DNAH3: variants seen among roughly 807,000 people sequenced by gnomAD.
DNAH3 encodes the protein dynein axonemal heavy chain 3, also known as axonemal beta dynein heavy chain 3.
DNAH3 carries 332 observed loss-of-function variants against 432.5 expected under a neutral mutation model. That is an observed-to-expected ratio of 0.77 (90% CI 0.70 to 0.84). The LOEUF (loss-of-function observed/expected upper bound fraction) is 0.84, where lower values mean the gene tolerates loss of function less well. Ranked by LOEUF, DNAH3 falls within the 40% of genes least tolerant of loss-of-function variation. DNAH3 has a pLI of 0.00. For missense variants in DNAH3, 4,861 were observed against 5,114.0 expected, an observed-to-expected ratio of 0.95 and a Z score of 1.51; for synonymous variants, 1,956 against 1,900.2, an observed-to-expected ratio of 1.03 and a Z score of -0.76.
Position 21,134,243 on chromosome 16 carries a change from G to A in DNAH3, c.1082+16C>T. On this transcript the variant is annotated intron_variant, in intron 7 of 61. Coordinates refer to ENST00000261383, the Ensembl canonical transcript of DNAH3. Reference sequence around the variant, plus strand: ...GTCAAGAAAGGGAATGAAAAAAAAAGGGAGGGACTTCTTACTCTGCAAACC... The same window carrying A: ...GTCAAGAAAGGGAATGAAAAAAAAAAGGAGGGACTTCTTACTCTGCAAACC... The A allele has an allele frequency of 2.5e-6, 4 of 1,599,500 alleles. No homozygotes were observed. In the African/African-American group the frequency reaches 4.0e-5, roughly 16 times the overall value.
Position 20,933,391 on chromosome 16 carries a change from G to A in DNAH3, c.12114C>T (p.Leu4038=), listed in dbSNP as rs13336534. Residue 4038 remains leucine (L), a synonymous_variant, in exon 62 of 62, where the codon CTC becomes CTT. Coordinates refer to ENST00000261383, the Ensembl canonical transcript of DNAH3. ...GCAGTGGGTCATAGAGGATTTTGGGGAGAGATTCCCCAATCTGCATCGTTT... is the reference window on the plus strand; with the variant it reads ...GCAGTGGGTCATAGAGGATTTTGGGAAGAGATTCCCCAATCTGCATCGTTT... The A allele has an allele frequency of 3.4e-3, 5,544 of 1,614,156 alleles. 179 individuals carry two copies. The African/African-American group carries it at 0.063, about 18-fold the overall frequency.
chr16:21,058,615 A>C (rs1189423303), intron 26 of DNAH3, among the ~76,000 whole-genome samples: 27 of 142,944 alleles, frequency 1.9e-4, no homozygotes, highest in Non-Finnish European at 6.1e-5. Context: ...TATGTATATA[A>C]ATTTTTTCAT....
chr16:21,087,810 A>T lies in DNAH3; in HGVS notation c.2666-750T>A, dbSNP rs1036316592. Among the ~76,000 whole-genome samples, 14 of 152,214 alleles carry T rather than the reference A, an allele frequency of 9.2e-5. No homozygotes were observed. The East Asian group carries it at 2.7e-3, about 29-fold the overall frequency. ...CTATTTGGGAGGCTGGGGTGGGAGG[A>T]TCACTTGAGCCTAGGAGGTGGAGGT... On this transcript the variant is annotated intron_variant, in intron 18 of 61. Transcript: ENST00000261383.
chr16:21,060,578 G>A (rs1233772575), intron 25 of DNAH3, among the ~76,000 whole-genome samples: 1 of 137,728 alleles, frequency 7.3e-6, no homozygotes, highest in Non-Finnish European at 1.5e-5. Flanking sequence ...AGGCTGGAGT[G>A]CACTGTCATG....
At chr16:21,093,786 C>G (rs899774139) in intron 18 of DNAH3, among the ~76,000 whole-genome samples, 3 of 152,062 alleles carry the variant, frequency 2.0e-5, no homozygotes, top group Admixed American at 2.0e-4. Flanking sequence ...ATATGGACAA[C>G]TGATTTTTGA....
intron 51 of DNAH3, among the ~76,000 whole-genome samples, chr16:20,974,093 C>T (rs1170632060): frequency 6.6e-6 from 1 of 152,102 alleles, no homozygotes; most frequent in Admixed American, 6.6e-5. Context: ...GCGACCTGGA[C>T]CCACTGTAGC....
At position 21,039,772 on chromosome 16, in the gene DNAH3, G is replaced by A. The variant is rs559021552; in HGVS notation, c.4730+80C>T. 18 of 1,065,556 alleles carry A rather than the reference G, an allele frequency of 1.7e-5. No individual in the cohort carries two copies. In the South Asian group the frequency reaches 2.0e-4, roughly 12 times the overall value. The allele number at this position is 1,065,556 out of a possible 1,614,324, so 66.0% of individuals were successfully genotyped here. On this transcript the variant is annotated intron_variant, in intron 33 of 61. Transcript: ENST00000261383. ...AAGCTTCTCTCTCTTCTTCCAATGG[G>A]CAAACCACCTTGAATCTGCCACGCA...
chr16:20,979,622 A>G, intron 49 of DNAH3, 76 bp from the exon 50 acceptor site: 1 of 1,321,024 alleles, frequency 7.6e-7, no homozygotes. Flanking sequence ...AGTTATAGAC[A>G]TGAGGATATG....
At chr16:21,121,794 T>C (rs1034649324) in intron 10 of DNAH3, 151 bp downstream of exon 11, 1 of 533,698 alleles carries the variant, frequency 1.9e-6, no homozygotes. Flanking sequence ...ATCATTTGTC[T>C]GGGGTCAAGG....
exon 2 of DNAH3, chr16:21,146,086 G>T (rs551913866): frequency 2.5e-6 from 4 of 1,608,898 alleles, no homozygotes; most frequent in Admixed American, 1.7e-5. Context: ...CACTTTTGGC[G>T]ATCTGTGGGA....
intron 53 of DNAH3, among the ~76,000 whole-genome samples, chr16:20,959,794 TTC>T (rs1355935497): frequency 6.6e-6 from 1 of 152,168 alleles, no homozygotes; most frequent in Non-Finnish European, 1.5e-5. Flanking sequence ...TACCATCAAC[TTC>T]TCTTTTGCTT....
chr16:20,978,743 G>A (rs1470647115), intron 50 of DNAH3, among the ~76,000 whole-genome samples: 1 of 151,984 alleles, frequency 6.6e-6, no homozygotes, highest in East Asian at 1.9e-4. Flanking sequence ...GTCTTGCTGT[G>A]TTTCCCAGGC....
rs143468376 is a variant in DNAH3 at position 21,004,129 on chromosome 16, C to T, written c.6023-922G>A. Among the ~76,000 whole-genome samples the T allele has an allele frequency of 1.3e-3, 205 of 152,214 alleles. 2 individuals carry two copies. Among genetic ancestry groups the T allele is most frequent in the Admixed American group, 3.0e-3 (46 of 15,284 alleles). On this transcript the variant is annotated intron_variant, in intron 41 of 61. Transcript: ENST00000261383. ...TAAAAGGTATTTCATAATTTTAAGT[C>T]ATTAAGGGATTAAAGTCATTATGCT...
chr16:20,981,241 T>A (rs1316626603), intron 49 of DNAH3, among the ~76,000 whole-genome samples: 1 of 152,202 alleles, frequency 6.6e-6, no homozygotes, highest in African/African-American at 2.4e-5. Flanking sequence ...AAAGTACCAG[T>A]TGGATGTCAT....
chr16:21,106,736 G>T (rs2091956606), intron 14 of DNAH3, 62 bp from the exon 15 acceptor site: 6 of 1,310,722 alleles, frequency 4.6e-6, no homozygotes, highest in South Asian at 2.5e-5. Context: ...CATCTAAAAT[G>T]ACTTTCTTGT....
intron 16 of DNAH3, among the ~76,000 whole-genome samples, chr16:21,100,187 A>G (rs932143008): frequency 5.3e-5 from 8 of 151,996 alleles, no homozygotes; most frequent in South Asian, 2.1e-4. Flanking sequence ...TTCTCCAGCC[A>G]CAGCCTCCCA....
chr16:21,029,881 G>A (rs2088784200), intron 37 of DNAH3, among the ~76,000 whole-genome samples: 1 of 152,132 alleles, frequency 6.6e-6, no homozygotes, highest in Non-Finnish European at 1.5e-5. Context: ...TTGGAGCACA[G>A]TGGCACAATG....
intron 1 of DNAH3, among the ~76,000 whole-genome samples, chr16:21,156,164 TATTTTA>T (rs961404648): frequency 4.4e-5 from 2 of 45,002 alleles, no homozygotes; most frequent in Non-Finnish European, 1.1e-4. Context: ...GAGTTATTCT[TATTTTA>T]TTTTATTTTA....
chr16:21,147,372 T>C (rs753774547), intron 1 of DNAH3, among the ~76,000 whole-genome samples: 22 of 151,990 alleles, frequency 1.4e-4, no homozygotes, highest in South Asian at 4.2e-4. Context: ...CCCACCACCA[T>C]GCCTGGCTAA....
Sources: allele counts gnomAD v4.1 joint callset (sites outside exome capture counted in the v4.1 genomes callset), GRCh38; gene constraint gnomAD v4.1.1; transcripts MANE v1.5; gene names NCBI Gene and HGNC (gene_info 2026-07-23, HGNC 2026-07-21).